TAB3: variants seen among roughly 807,000 people sequenced by gnomAD.
TAB3 encodes the protein TGF-beta activated kinase 1 (MAP3K7) binding protein 3.
Under a neutral mutation model 48.1 loss-of-function variants are expected in TAB3, and 18 were observed. The ratio of observed to expected loss-of-function variants is 0.37; its 90% CI spans 0.26 to 0.55. TAB3 has a LOEUF of 0.55. TAB3 is among the 20% of genes least tolerant of loss of function. The probability of loss-of-function intolerance (pLI) is 0.78; values close to 1 mark genes in which losing one functional copy is unlikely to be tolerated. For synonymous variants in TAB3, 185 were observed against 190.2 expected (o/e 0.97, Z 0.22); for missense variants, 414 against 549.8 (o/e 0.75, Z 2.47).
rs1318627714 is a variant in TAB3, at chrX:30,854,358, C to T, written c.1307G>A (p.Gly436Glu). 8.3e-7 allele frequency: 1 copy of T among 1,211,110 alleles called. No individual in the cohort carries two copies. The highest frequency in any genetic ancestry group is 2.2e-5 in the Admixed American group (1 of 45,978). ...PVYITYTQPT[G>E]PSCTPSPSPR... ...AGATGGTGATGGAGTACAAGAAGGT[C>T]CAGTTGGCTGTGTATATGTAATATA... The change falls in exon 6 of 11, where the codon GGA (glycine) becomes GAA (glutamate). Residue 436 changes from glycine (G) to glutamate (E), a missense_variant. Transcript: ENST00000288422.
chrX:30,876,340 C>G (rs1939833376), intron 1 of TAB3, among the ~76,000 whole-genome samples: 1 of 112,192 alleles, frequency 8.9e-6, no homozygotes, highest in Non-Finnish European at 1.9e-5. Context: ...TAAAGACAAT[C>G]AGGCACACGA....
chrX:30,843,993 CCAA>C (rs1371228634), intron 8 of TAB3: 5 of 107,647 alleles, frequency 4.6e-5, no homozygotes, highest in Non-Finnish European at 9.6e-5. Context: ...TTTTTTTTTC[CCAA>C]CAAGTTTTCC....
chrX:30,846,249 T>A lies in TAB3; in HGVS notation c.1804+302A>T, dbSNP rs1372481674. The A allele has an allele frequency of 1.6e-5, 5 of 321,782 alleles. 1 individual carries two copies. In the East Asian group the frequency reaches 4.3e-4, roughly 28 times the overall value. 26.5% of individuals were successfully genotyped at this position (321,782 alleles called of 1,213,427 possible). Reference sequence around the variant, plus strand: ...ATCACATAATATGAACTCTACTAAGTTTTAGAATTAAAACCCATCAATTTA... The same window carrying A: ...ATCACATAATATGAACTCTACTAAGATTTAGAATTAAAACCCATCAATTTA... On this transcript the variant is annotated intron_variant, in intron 8 of 10. Coordinates refer to ENST00000288422, the MANE Select transcript of TAB3 (RefSeq NM_152787.5).
At chrX:30,872,939 C>G (rs946218562) in intron 1 of TAB3, among the ~76,000 whole-genome samples, 1 of 111,494 alleles carries the variant, frequency 9.0e-6, no homozygotes, top group Non-Finnish European at 1.9e-5. Context: ...GCATATAGAT[C>G]TAATTTCCGG....
intron 2 of TAB3, among the ~76,000 whole-genome samples, chrX:30,868,619 CGCGT>C (rs1939573289): frequency 7.0e-5 from 2 of 28,623 alleles, no homozygotes; most frequent in African/African-American, 3.7e-4. Flanking sequence ...AGAGAGAGAG[CGCGT>C]GGGGGGGAGA....
intron 9 of TAB3, among the ~76,000 whole-genome samples, chrX:30,837,258 A>G (rs1399895542): frequency 9.1e-6 from 1 of 109,516 alleles, no homozygotes; most frequent in African/African-American, 3.3e-5. Context: ...CCTGTTGGAC[A>G]GGCTGGTCTC....
At chrX:30,846,765 A>G (rs1285253168) in intron 7 of TAB3, 121 bp from the exon 8 acceptor site, 1 of 424,945 alleles carries the variant, frequency 2.4e-6, no homozygotes, top group Non-Finnish European at 4.1e-6. Context: ...GCCTTAGTCC[A>G]TAAGAGGGCA....
chrX:30,869,567 C>T (rs1420001241), intron 2 of TAB3, among the ~76,000 whole-genome samples: 4 of 112,146 alleles, frequency 3.6e-5, no homozygotes, highest in African/African-American at 1.3e-4. Flanking sequence ...GCTACAGTGC[C>T]TTGTACACAC....
At chrX:30,831,793 A>T (rs1199992788) in intron 10 of TAB3, among the ~76,000 whole-genome samples, 1 of 112,280 alleles carries the variant, frequency 8.9e-6, no homozygotes, top group Non-Finnish European at 1.9e-5. Flanking sequence ...CTGCTATAAG[A>T]AGATGGATAT....
intron 9 of TAB3, chrX:30,836,345 G>GAAA (rs945197819): frequency 9.0e-6 from 1 of 111,411 alleles, no homozygotes; most frequent in Non-Finnish European, 1.9e-5. Flanking sequence ...TTTTTTATTA[G>GAAA]AAGTGTACAT....
Position 30,830,043 on chromosome X carries a change from T to C in TAB3, c.*1384A>G, listed in dbSNP as rs1312259072. 1 of 111,553 alleles carries C rather than the reference T, an allele frequency of 9.0e-6. No individual in the cohort carries two copies. The highest frequency in any genetic ancestry group is 1.9e-5 in the Non-Finnish European group (1 of 53,136). The allele number at this position is 111,553 out of a possible 1,213,427, so 9.2% of individuals were successfully genotyped here. ...ACTCCAACAATGGCAGAGACCTTAA[T>C]GAAATGTGCTATTAAGTTTCCAGCG... is the stretch of plus-strand genomic sequence containing the variant. On this transcript the variant is annotated 3_prime_UTR_variant, in exon 11 of 11. Transcript: ENST00000288422.
At chrX:30,873,524 CAA>C (rs61644834) in intron 1 of TAB3, among the ~76,000 whole-genome samples, 2 of 50,620 alleles carry the variant, frequency 4.0e-5, no homozygotes, top group African/African-American at 1.4e-4. Flanking sequence ...GACTCCGTCT[CAA>C]AAAAAAAAAA....
chrX:30,839,161 G>T (rs914306420), intron 9 of TAB3, among the ~76,000 whole-genome samples: 1 of 111,469 alleles, frequency 9.0e-6, no homozygotes, highest in African/African-American at 3.3e-5. Context: ...GAGACTGAAA[G>T]AGTTCTTTTC....
intron 9 of TAB3, among the ~76,000 whole-genome samples, chrX:30,841,415 A>C (rs1382899184): frequency 3.8e-5 from 1 of 26,191 alleles, no homozygotes; most frequent in Non-Finnish European, 1.0e-4. Context: ...TCTCCATCTC[A>C]AAAAAAAAAA....
Position 30,831,096 on chromosome X carries a change from AT to A in TAB3, c.*330del. The A allele has an allele frequency of 5.8e-6, 1 of 173,699 alleles. No homozygotes were observed. Among genetic ancestry groups the A allele is most frequent in the East Asian group, 1.2e-4 (1 of 8,482 alleles). The allele number at this position is 173,699 out of a possible 1,213,427, so 14.3% of individuals were successfully genotyped here. A position where few individuals can be genotyped will look rare whatever the true frequency, so the allele number is the denominator to read the frequency against. ...ATGATTCAAAGTACTACTTTAAAAA[AT>A]AAGGGCCACTCAGCAGTAACTTTAA... is the stretch of plus-strand genomic sequence containing the variant. On this transcript the variant is annotated 3_prime_UTR_variant, in exon 11 of 11. Transcript: ENST00000288422.
At position 30,874,261 on chromosome X, in the gene TAB3, G is replaced by A. The variant is rs1318585813; in HGVS notation, c.-382-2460C>T. Among the ~76,000 whole-genome samples the A allele has an allele frequency of 5.4e-5, 6 of 112,142 alleles. No individual in the cohort carries two copies. In the Admixed American group the frequency reaches 5.6e-4, roughly 11 times the overall value. ...CACTCCTAACTTCGGCTTTGTTCATGGGTCAACTGTATTATATGTGCTATT... is the reference window on the plus strand; with the variant it reads ...CACTCCTAACTTCGGCTTTGTTCATAGGTCAACTGTATTATATGTGCTATT... On this transcript the variant is annotated intron_variant, in intron 1 of 10. Coordinates refer to ENST00000288422, the MANE Select transcript of TAB3 (RefSeq NM_152787.5).
At chrX:30,880,244 A>G (rs1939960848) in intron 1 of TAB3, among the ~76,000 whole-genome samples, 2 of 111,804 alleles carry the variant, frequency 1.8e-5, no homozygotes, top group African/African-American at 6.5e-5. Context: ...TCGAAGGACA[A>G]TGTGGAAGAA....
At chrX:30,849,874 C>G (rs1237973440) in intron 7 of TAB3, among the ~76,000 whole-genome samples, 3 of 112,356 alleles carry the variant, frequency 2.7e-5, no homozygotes, top group African/African-American at 6.5e-5. Context: ...TAAAATGCTT[C>G]AGATTTATGT....
chrX:30,872,609 G>T (rs1371822204), intron 1 of TAB3, among the ~76,000 whole-genome samples: 5 of 112,575 alleles, frequency 4.4e-5, no homozygotes, highest in Non-Finnish European at 9.4e-5. Context: ...TAGCTCTTGT[G>T]AATGAGAAAG....
Sources: gnomAD v4.1 joint callset for allele counts (sites outside exome capture counted in the v4.1 genomes callset) on GRCh38, gnomAD v4.1.1 for gene constraint, MANE v1.5 for transcripts, NCBI Gene and HGNC (gene_info 2026-07-23, HGNC 2026-07-21) for gene names.